Variants in COLGALT1 observed in about 807,000 individuals in gnomAD.
COLGALT1 encodes the protein collagen beta(1-O)galactosyltransferase 1.
Under a neutral mutation model 60.8 loss-of-function variants are expected in COLGALT1, and 43 were observed. That is an observed-to-expected ratio of 0.71 (90% confidence interval 0.55 to 0.91). COLGALT1 has a LOEUF of 0.91. Ranked by LOEUF, COLGALT1 falls within the 40% of genes least tolerant of loss-of-function variation. The pLI is 0.00. For synonymous variants in COLGALT1, 369 were observed against 374.2 expected (o/e 0.99, Z 0.16); for missense variants, 845 against 880.0 (o/e 0.96, Z 0.50).
chr19:17,576,827 GGTGT>G lies in COLGALT1; in HGVS notation c.950-366_950-363del, dbSNP rs1200621347. ...GGGGCAGGTTGAAGCTGTAGCCTGGGGTGTGGCCAGGGCTTAGAGGCGGGGCTAA... is the reference window on the plus strand; with the variant it reads ...GGGGCAGGTTGAAGCTGTAGCCTGGGGGCCAGGGCTTAGAGGCGGGGCTAA... On this transcript the variant is annotated intron_variant, in intron 6 of 11. Transcript: ENST00000252599. 3.3e-5 allele frequency among the ~76,000 whole-genome samples: 5 copies of G among 150,696 alleles called. No homozygotes were observed. In the South Asian group the frequency reaches 8.4e-4, roughly 25 times the overall value.
At chr19:17,557,342 C>T (rs898975875) in intron 1 of COLGALT1, among the ~76,000 whole-genome samples, 2 of 152,172 alleles carry the variant, frequency 1.3e-5, no homozygotes, top group Non-Finnish European at 2.9e-5. Flanking sequence ...TGCTCTGTCG[C>T]CCAGGCTGGA....
Position 17,555,747 on chromosome 19 carries a change from G to C in COLGALT1, c.34G>C (p.Gly12Arg), listed in dbSNP as rs1026000317. Residue 12 changes from glycine to arginine, a missense_variant, in exon 1 of 12, where the codon GGG becomes CGG. Physicochemically the swap from Gly to Arg is moderately radical, Grantham distance 125. Coordinates refer to ENST00000252599, the MANE Select transcript of COLGALT1 (RefSeq NM_024656.4). ...AAAPRAGRRR[G>R]QPLLALLLLL... is the part of the protein sequence containing the mutation. ...GGCCCCACGCGCGGGCCGGCGGCGC[G>C]GGCAGCCGCTCCTGGCGCTGCTGCT... The C allele has an allele frequency of 8.2e-5, 99 of 1,211,634 alleles. No homozygotes were observed. Among genetic ancestry groups the C allele is most frequent in the Non-Finnish European group, 9.7e-5 (95 of 975,860 alleles). The allele number at this position is 1,211,634 out of a possible 1,614,324, so 75.1% of individuals were successfully genotyped here. A position where few individuals can be genotyped will look rare whatever the true frequency, so the allele number is the denominator to read the frequency against.
chr19:17,579,600 G>T lies in COLGALT1; in HGVS notation c.1385G>T (p.Trp462Leu). 1 of 1,613,248 alleles carries T rather than the reference G, an allele frequency of 6.2e-7. No individual in the cohort carries two copies. Among genetic ancestry groups the T allele is most frequent in the Non-Finnish European group, 8.5e-7 (1 of 1,179,696 alleles). Residue 462 changes from tryptophan (W) to leucine (L), a missense_variant, in exon 10 of 12, where the codon TGG becomes TTG. Physicochemically the swap from Trp to Leu is moderately conservative, Grantham distance 61 (BLOSUM62 -2). Transcript: ENST00000252599. ...GATGTGGAGCGGGAGGGCCTGGACT[G>T]GGACCTCATGTGAGTGGGGGTCTGA... ...MRDVEREGLD[W>L]DLIYVGRKRM...
chr19:17,580,404 A>T (rs1599797600), intron 10 of COLGALT1: 1 of 382,208 alleles, frequency 2.6e-6, no homozygotes, highest in Non-Finnish European at 4.8e-6. Flanking sequence ...CTCCACCCCC[A>T]CTGTCCTCTG....
intron 6 of COLGALT1, among the ~76,000 whole-genome samples, chr19:17,576,742 G>A (rs1433004767): frequency 4.6e-5 from 7 of 151,120 alleles, no homozygotes; most frequent in Non-Finnish European, 1.0e-4. Context: ...GCAAGGCTGG[G>A]GGAGGCTGTG....
chr19:17,566,047 A>T (rs545622111), intron 3 of COLGALT1: 10 of 152,100 alleles, frequency 6.6e-5, no homozygotes, highest in Non-Finnish European at 1.3e-4. Flanking sequence ...AACAGAAAGC[A>T]TCTCTGTGGA....
intron 3 of COLGALT1, 58 bp downstream of exon 3, chr19:17,560,523 A>C: frequency 7.2e-7 from 1 of 1,390,916 alleles, no homozygotes; most frequent in Middle Eastern, 1.8e-4. Flanking sequence ...TCCCCAGGGA[A>C]GGCGGAGCAG....
chr19:17,561,373 G>A (rs929532990), intron 3 of COLGALT1, among the ~76,000 whole-genome samples: 5 of 151,528 alleles, frequency 3.3e-5, no homozygotes, highest in Admixed American at 1.3e-4. Context: ...GGGCCACCGT[G>A]CCTGGCCGTG....
At chr19:17,555,998 C>G in intron 1 of COLGALT1, 25 bp downstream of exon 1, 1 of 1,297,564 alleles carries the variant, frequency 7.7e-7, no homozygotes, top group South Asian at 2.1e-5. Flanking sequence ...CTGTCCCCAT[C>G]AGGCGGGTCA....
chr19:17,577,087 TG>T, intron 6 of COLGALT1, 107 bp from the exon 7 acceptor site: 2 of 1,113,646 alleles, frequency 1.8e-6, no homozygotes, highest in Non-Finnish European at 1.3e-6. Flanking sequence ...GTCGACTTTG[TG>T]GGCCGAGCCA....
intron 10 of COLGALT1, among the ~76,000 whole-genome samples, 154 bp downstream of exon 10, chr19:17,579,763 A>T (rs1014964378): frequency 6.6e-6 from 1 of 151,812 alleles, no homozygotes; most frequent in Non-Finnish European, 1.5e-5. Context: ...GCCTAGGTAC[A>T]TGGCCAGGGC....
At chr19:17,556,003 G>A in intron 1 of COLGALT1, 30 bp downstream of exon 1, 1 of 1,293,198 alleles carries the variant, frequency 7.7e-7, no homozygotes, top group African/African-American at 1.5e-5. Flanking sequence ...CCCATCAGGC[G>A]GGTCACGCGA....
At chr19:17,569,891 C>CTTTTTTTTTTTTTTTT (rs71162156) in intron 5 of COLGALT1, among the ~76,000 whole-genome samples, 4 of 98,732 alleles carry the variant, frequency 4.1e-5, no homozygotes, top group Admixed American at 1.5e-4. Context: ...CCACTAATTA[C>CTTTTTTTTTTTTTTTT]TTTTTTTTTT....
chr19:17,580,988 C>T (rs144502149), intron 11 of COLGALT1, 83 bp downstream of exon 11: 66 of 1,521,772 alleles, frequency 4.3e-5, no homozygotes, highest in East Asian at 4.1e-4. Flanking sequence ...TCACGGCCTC[C>T]GAGAAGATGT....
chr19:17,577,007 G>GGGCCTGGGGTGTGGCCAGGGCTATGC, intron 6 of COLGALT1, 188 bp from the exon 7 acceptor site: 1 of 361,450 alleles, frequency 2.8e-6, no homozygotes, highest in Non-Finnish European at 5.1e-6. Context: ...CAGGGCTTTG[G>GGGCCTGGGGTGTGGCCAGGGCTATGC]GCTGCTGTGC....
intron 3 of COLGALT1, 89 bp downstream of exon 3, chr19:17,560,554 T>A: frequency 1.9e-6 from 2 of 1,049,864 alleles, no homozygotes; most frequent in Non-Finnish European, 1.5e-6. Flanking sequence ...GGACCATCCT[T>A]AATGTTGTTT....
intron 3 of COLGALT1, 69 bp from the exon 4 acceptor site, chr19:17,567,337 T>C (rs1424615147): frequency 1.3e-6 from 2 of 1,594,336 alleles, no homozygotes; most frequent in East Asian, 2.2e-5. Context: ...CACTGGCCTT[T>C]GCCCCAGCTG....
chr19:17,582,520 A>G lies in COLGALT1; in HGVS notation c.*1076A>G, dbSNP rs2076390544. 2 of 152,240 alleles carry G rather than the reference A, an allele frequency of 1.3e-5. No individual in the cohort carries two copies. The highest frequency in any genetic ancestry group is 4.8e-5 in the African/African-American group (2 of 41,450). The allele number at this position is 152,240 out of a possible 1,614,324, so 9.4% of individuals were successfully genotyped here. On this transcript the variant is annotated 3_prime_UTR_variant, in exon 12 of 12. Coordinates refer to ENST00000252599, the MANE Select transcript of COLGALT1 (RefSeq NM_024656.4). ...CACTAGTGATACAAAAGAGTGTGAC[A>G]GTTGTTCAGTCTGCATTTTCGATCA... is the stretch of plus-strand genomic sequence containing the variant.
At chr19:17,562,300 T>TG (rs529114056) in intron 3 of COLGALT1, among the ~76,000 whole-genome samples, 94 of 152,146 alleles carry the variant, frequency 6.2e-4, no homozygotes, top group African/African-American at 2.2e-3. Context: ...GGTGTCTACT[T>TG]GGAGGGGAAT....
Sources: allele counts gnomAD v4.1 joint callset (sites outside exome capture counted in the v4.1 genomes callset), GRCh38; gene constraint gnomAD v4.1.1; transcripts MANE v1.5; gene names NCBI Gene and HGNC (gene_info 2026-07-23, HGNC 2026-07-21).